CACNB2: variants seen among roughly 807,000 people sequenced by gnomAD.
The protein encoded by CACNB2 is voltage-dependent L-type calcium channel subunit beta-2.
A neutral mutation model predicts 73.3 loss-of-function variants in CACNB2; 42 were observed. The observed-to-expected ratio is 0.57, with a 90% CI of 0.45 to 0.74. The LOEUF is 0.74. Ranked by LOEUF, CACNB2 falls within the 30% of genes least tolerant of loss-of-function variation. The probability of loss-of-function intolerance (pLI) is 0.00; values close to 1 mark genes in which losing one functional copy is unlikely to be tolerated. For synonymous variants in CACNB2, 348 were observed against 310.3 expected (o/e 1.12, Z -1.28); for missense variants, 940 against 853.0 (o/e 1.10, Z -1.27).
chr10:18,215,872 C>G (rs2035491341), intron 2 of CACNB2, among the ~76,000 whole-genome samples: 1 of 152,158 alleles, frequency 6.6e-6, no homozygotes, highest in Non-Finnish European at 1.5e-5. Context: ...GGTGCCAAGT[C>G]AGTGCTTTCA....
chr10:18,170,420 G>A (rs2033144597), intron 2 of CACNB2, among the ~76,000 whole-genome samples: 1 of 152,296 alleles, frequency 6.6e-6, no homozygotes, highest in East Asian at 1.9e-4. Context: ...AAACTATAGT[G>A]CACCCTTTTC....
chr10:18,182,423 A>G (rs947851398), intron 2 of CACNB2, among the ~76,000 whole-genome samples: 8 of 152,150 alleles, frequency 5.3e-5, no homozygotes, highest in African/African-American at 1.9e-4. Context: ...TTTGAGTTCA[A>G]TAATAATTCA....
chr10:18,505,330 A>C, intron 5 of CACNB2, among the ~76,000 whole-genome samples: 1 of 152,088 alleles, frequency 6.6e-6, no homozygotes, highest in East Asian at 1.9e-4. Flanking sequence ...GCTTCTATAG[A>C]TATCACTTGT....
intron 2 of CACNB2, among the ~76,000 whole-genome samples, chr10:18,391,056 T>C (rs1243735983): frequency 6.6e-6 from 1 of 152,220 alleles, no homozygotes; most frequent in East Asian, 1.9e-4. Flanking sequence ...TTAGATTCAC[T>C]GGAAAAAGGA....
intron 2 of CACNB2, among the ~76,000 whole-genome samples, chr10:18,347,396 G>A (rs558484180): frequency 1.6e-5 from 2 of 128,150 alleles, no homozygotes; most frequent in South Asian, 2.5e-4. Context: ...AGACCAAGTT[G>A]CCCAGGCTTG....
At chr10:18,177,621 C>T (rs189288222) in intron 2 of CACNB2, among the ~76,000 whole-genome samples, 2 of 151,702 alleles carry the variant, frequency 1.3e-5, no homozygotes, top group East Asian at 3.9e-4. Flanking sequence ...AAAGAGCAAG[C>T]ATTTGGGGAA....
intron 2 of CACNB2, among the ~76,000 whole-genome samples, chr10:18,373,663 T>C (rs751563440): frequency 6.6e-6 from 1 of 152,218 alleles, no homozygotes; most frequent in South Asian, 2.1e-4. Context: ...AATTTCTCAT[T>C]TGTTCTCTCA....
intron 12 of CACNB2, among the ~76,000 whole-genome samples, chr10:18,536,441 CT>C (rs1014721748): frequency 2.7e-5 from 4 of 150,890 alleles, no homozygotes; most frequent in African/African-American, 9.7e-5. Flanking sequence ...TTTTTTCCCC[CT>C]GTAGAGACGG....
intron 2 of CACNB2, among the ~76,000 whole-genome samples, chr10:18,372,668 A>T (rs191258944): frequency 5.3e-5 from 8 of 152,166 alleles, no homozygotes; most frequent in African/African-American, 1.7e-4. Flanking sequence ...TCGCCTCCCA[A>T]AGTGCTGGGA....
At chr10:18,195,216 T>C (rs554760755) in intron 2 of CACNB2, among the ~76,000 whole-genome samples, 1 of 152,336 alleles carries the variant, frequency 6.6e-6, no homozygotes, top group South Asian at 2.1e-4. Context: ...AGTAAGTTTA[T>C]ATAAAAGTGC....
intron 2 of CACNB2, among the ~76,000 whole-genome samples, chr10:18,295,405 CT>C (rs1246613899): frequency 6.6e-6 from 1 of 152,172 alleles, no homozygotes; most frequent in African/African-American, 2.4e-5. Flanking sequence ...GTCACTTTGC[CT>C]TGGCAATACA....
At chr10:18,199,675 G>C in intron 2 of CACNB2, among the ~76,000 whole-genome samples, 1 of 152,168 alleles carries the variant, frequency 6.6e-6, no homozygotes, top group East Asian at 1.9e-4. Context: ...GAATGCCTTT[G>C]ATGGACTTTG....
chr10:18,246,071 C>G (rs7071122), intron 2 of CACNB2, among the ~76,000 whole-genome samples: 21,399 of 152,114 alleles, frequency 0.14, 1,941 homozygotes, highest in African/African-American at 0.26. Flanking sequence ...CCCTCTTGAT[C>G]TCCGAGAGGA....
At chr10:18,327,284 A>C (rs750472811) in intron 2 of CACNB2, among the ~76,000 whole-genome samples, 1 of 152,188 alleles carries the variant, frequency 6.6e-6, no homozygotes, top group Non-Finnish European at 1.5e-5. Flanking sequence ...TATATCCATT[A>C]TATTTTCATA....
At chr10:18,479,912 C>T (rs991956041) in intron 3 of CACNB2, among the ~76,000 whole-genome samples, 3 of 152,114 alleles carry the variant, frequency 2.0e-5, no homozygotes, top group African/African-American at 7.2e-5. Flanking sequence ...CACAAGACAG[C>T]TCATTACTTT....
intron 2 of CACNB2, among the ~76,000 whole-genome samples, chr10:18,263,745 T>A (rs2037661904): frequency 6.6e-6 from 1 of 152,182 alleles, no homozygotes; most frequent in Non-Finnish European, 1.5e-5. Flanking sequence ...AGCTGTTGCT[T>A]TTATTAGGTT....
intron 2 of CACNB2, among the ~76,000 whole-genome samples, chr10:18,187,665 C>G (rs551867372): frequency 1.3e-4 from 20 of 152,054 alleles, no homozygotes; most frequent in Admixed American, 1.3e-3. Flanking sequence ...AGAGGAAAAA[C>G]AGTCTTTGGG....
chr10:18,300,832 G>A (rs1271655094), intron 2 of CACNB2, among the ~76,000 whole-genome samples: 1 of 150,116 alleles, frequency 6.7e-6, no homozygotes, highest in African/African-American at 2.4e-5. Context: ...CTGGGTAACA[G>A]AGCGAGATTC....
intron 2 of CACNB2, among the ~76,000 whole-genome samples, chr10:18,279,093 T>A (rs1472356309): frequency 1.3e-5 from 2 of 152,182 alleles, no homozygotes; most frequent in African/African-American, 4.8e-5. Context: ...CTCTATACAT[T>A]CCTTCACCCA....
Sources: allele counts gnomAD v4.1 joint callset (sites outside exome capture counted in the v4.1 genomes callset), GRCh38; gene constraint gnomAD v4.1.1; transcripts MANE v1.5; gene names NCBI Gene and HGNC (gene_info 2026-07-23, HGNC 2026-07-21).